The following RPL18 variants were observed in gnomAD, a reference collection of about 807,000 sequenced individuals.
RPL18 encodes the protein large ribosomal subunit protein eL18.
A neutral mutation model predicts 25.0 loss-of-function variants in RPL18; 4 were observed. The ratio of observed to expected loss-of-function variants is 0.16; its 90% CI spans 0.08 to 0.37. RPL18 has a LOEUF of 0.37. Among genes scored for constraint, RPL18 ranks in the 10% least tolerant of loss-of-function variants. The probability of loss-of-function intolerance (pLI) is 1.00; values close to 1 mark genes in which losing one functional copy is unlikely to be tolerated. For synonymous variants in RPL18, 129 were observed against 101.6 expected (o/e 1.27, Z -1.62); for missense variants, 179 against 267.9 (o/e 0.67, Z 2.32).
chr19:48,619,061 C>T (rs1974290391), intron 1 of RPL18, 80 bp downstream of exon 1: 9 of 1,490,430 alleles, frequency 6.0e-6, no homozygotes, highest in Non-Finnish European at 8.3e-6. Context: ...CCCCCTGCCG[C>T]CCTCCAGCGT....
In RPL18 at chr19:48,619,159, T is replaced by A; in HGVS notation, c.-16A>T. The A allele has an allele frequency of 9.2e-7, 1 of 1,087,422 alleles. No homozygotes were observed. 67.4% of individuals were successfully genotyped at this position (1,087,422 alleles called of 1,614,324 possible). A position where few individuals can be genotyped will look rare whatever the true frequency, so the allele number is the denominator to read the frequency against. ...AGCTCACCATGATGGCGCCTCCTGC[T>A]CGGCCAGGTCCGGAAAGAGAGAACG... On this transcript the variant is annotated 5_prime_UTR_variant, in exon 1 of 7. Coordinates refer to ENST00000549920, the MANE Select transcript of RPL18 (RefSeq NM_000979.4).
chr19:48,617,768 A>G (rs760634126), intron 2 of RPL18, 23 bp downstream of exon 2: 2 of 1,599,258 alleles, frequency 1.3e-6, no homozygotes, highest in Non-Finnish European at 1.7e-6. Context: ...ACCCTTCCCA[A>G]AGACCTCAGG....
chr19:48,615,423 C>CCGGCCCTTGGAT lies in RPL18; in HGVS notation c.515_516insATCCAAGGGCCG (p.Ser169_Arg172dup), dbSNP rs765055557. 1 of 1,613,192 alleles carries CCGGCCCTTGGAT rather than the reference C, an allele frequency of 6.2e-7. No homozygotes were observed. ...GTCGGCCTCTGGCACGCTCGAACTT[C>CCGGCCCTTGGAT]CGGCCCTTGGAGCGGACGTAGGGTC... On this transcript the variant is annotated inframe_insertion, in exon 7 of 7. Transcript: ENST00000549920.
rs200472012 is a variant in RPL18 at position 48,619,176 on chromosome 19, G to C, written c.-33C>G. On this transcript the variant is annotated 5_prime_UTR_variant, in exon 1 of 7. Transcript: ENST00000549920. ...CCTCCTGCTCGGCCAGGTCCGGAAA[G>C]AGAGAACGGGCTGGGGTGGGCGGGG... 16 of 791,704 alleles carry C rather than the reference G, an allele frequency of 2.0e-5. No individual in the cohort carries two copies. In the African/African-American group the frequency reaches 2.3e-4, roughly 11 times the overall value. 49.0% of individuals were successfully genotyped at this position (791,704 alleles called of 1,614,324 possible). A position where few individuals can be genotyped will look rare whatever the true frequency, so the allele number is the denominator to read the frequency against.
chr19:48,616,906 G>A (rs1343175959), intron 3 of RPL18, 82 bp from the exon 4 acceptor site: 1 of 1,048,244 alleles, frequency 9.5e-7, no homozygotes, highest in Non-Finnish European at 1.5e-6. Context: ...GGCCAGGGCA[G>A]CTGTGCCCTC....
chr19:48,616,410 G>A, intron 4 of RPL18: 1 of 669,754 alleles, frequency 1.5e-6, no homozygotes, highest in Non-Finnish European at 2.5e-6. Flanking sequence ...AGAAACTACA[G>A]CAAGGAAGCT....
At chr19:48,619,100 C>T in intron 1 of RPL18, 41 bp downstream of exon 1, 2 of 1,591,868 alleles carry the variant, frequency 1.3e-6, no homozygotes, top group Non-Finnish European at 1.7e-6. Context: ...CGGCGGATGG[C>T]AGCGGATTAT....
intron 2 of RPL18, 71 bp downstream of exon 2, chr19:48,617,720 G>T: frequency 1.7e-6 from 2 of 1,210,452 alleles, no homozygotes; most frequent in Non-Finnish European, 2.4e-6. Context: ...CTTGGTGCCA[G>T]CACTAGAATG....
intron 4 of RPL18, 28 bp from the exon 5 acceptor site, chr19:48,616,230 C>G: frequency 6.2e-7 from 1 of 1,611,138 alleles, no homozygotes; most frequent in Non-Finnish European, 8.5e-7. Flanking sequence ...GCTGGCGGGT[C>G]AGACCCCTGC....
Position 48,619,169 on chromosome 19 carries a change from C to T in RPL18, c.-26G>A, listed in dbSNP as rs1008350208. The T allele has an allele frequency of 2.5e-6, 4 of 1,580,264 alleles. No homozygotes were observed. Among genetic ancestry groups the T allele is most frequent in the African/African-American group, 1.3e-5 (1 of 74,456 alleles). On this transcript the variant is annotated 5_prime_UTR_variant, in exon 1 of 7. Transcript: ENST00000549920. The stretch of plus-strand genomic sequence containing the variant: ...GATGGCGCCTCCTGCTCGGCCAGGT[C>T]CGGAAAGAGAGAACGGGCTGGGGTG...
At chr19:48,617,747 G>T in intron 2 of RPL18, 44 bp downstream of exon 2, 1 of 1,481,808 alleles carries the variant, frequency 6.7e-7, no homozygotes, top group Non-Finnish European at 9.4e-7. Flanking sequence ...CTGCAAGTCA[G>T]ACCTGGGGTG....
chr19:48,616,996 A>T (rs773382096), intron 3 of RPL18, 172 bp from the exon 4 acceptor site: 50 of 295,634 alleles, frequency 1.7e-4, no homozygotes, highest in Non-Finnish European at 3.2e-4. Flanking sequence ...AGCTCCAGAT[A>T]AAAAAAAAAA....
At chr19:48,618,717 A>G (rs973805132) in intron 1 of RPL18, 2 of 234,780 alleles carry the variant, frequency 8.5e-6, no homozygotes, top group African/African-American at 4.6e-5. Context: ...AGACTCAGAG[A>G]CCTGCCTGGT....
intron 4 of RPL18, 36 bp from the exon 5 acceptor site, chr19:48,616,238 T>C (rs752010192): frequency 6.8e-6 from 11 of 1,609,342 alleles, no homozygotes; most frequent in Non-Finnish European, 9.3e-6. Context: ...GTCAGACCCC[T>C]GCGTGGTCAC....
chr19:48,617,241 A>G (rs1568425131), intron 3 of RPL18, 75 bp downstream of exon 3: 1 of 1,160,610 alleles, frequency 8.6e-7, no homozygotes, highest in South Asian at 1.2e-5. Flanking sequence ...CAGAGCTCCA[A>G]GTCCTGCCTC....
intron 4 of RPL18, 113 bp from the exon 5 acceptor site, chr19:48,616,315 G>C: frequency 7.3e-7 from 1 of 1,370,574 alleles, no homozygotes; most frequent in East Asian, 2.4e-5. Context: ...CAACACTATC[G>C]TTTACTACCC....
chr19:48,615,506 GCA>G, intron 6 of RPL18, 59 bp from the exon 7 acceptor site: 1 of 1,245,414 alleles, frequency 8.0e-7, no homozygotes, highest in Non-Finnish European at 1.2e-6. Flanking sequence ...TTGTGGAGTG[GCA>G]CAGGAACACC....
chr19:48,615,451 T>C lies in RPL18; in HGVS notation c.492-4A>G. ...GCCCTTGGAGCGGACGTAGGGTCTG[T>C]GGGGAGAGGAGGGAGTGAGAGGGGG... On this transcript the variant is annotated splice_polypyrimidine_tract_variant and splice_region_variant and intron_variant, in intron 6 of 6. Transcript: ENST00000549920. 4 of 1,610,502 alleles carry C rather than the reference T, an allele frequency of 2.5e-6. No homozygotes were observed. Among genetic ancestry groups the C allele is most frequent in the South Asian group, 1.1e-5 (1 of 90,480 alleles).
At chr19:48,618,649 G>A (rs114238236) in intron 1 of RPL18, 178 of 188,156 alleles carry the variant, frequency 9.5e-4, no homozygotes, top group African/African-American at 4.0e-3. Flanking sequence ...TGTACCCAAC[G>A]AACAGCCAGA....
Sources: gnomAD v4.1 joint callset for allele counts on GRCh38, gnomAD v4.1.1 for gene constraint, MANE v1.5 for transcripts, NCBI Gene and HGNC (gene_info 2026-07-23, HGNC 2026-07-21) for gene names.